KIAA1671: variants seen among roughly 807,000 people sequenced by gnomAD.
KIAA1671 encodes uncharacterized protein KIAA1671.
A neutral mutation model predicts 131.2 loss-of-function variants in KIAA1671; 52 were observed. That is an observed-to-expected ratio of 0.40 (90% CI 0.32 to 0.50). The LOEUF is 0.50. KIAA1671 is among the 20% of genes least tolerant of loss of function. KIAA1671 has a pLI of 0.73. For missense variants in KIAA1671, 2,360 were observed against 2,364.2 expected (o/e 1.00, Z 0.04); for synonymous variants, 1,003 against 961.6 (o/e 1.04, Z -0.80).
chr22:25,187,942 G>A (rs1934531938), intron 11 of KIAA1671, among the ~76,000 whole-genome samples: 1 of 152,218 alleles, frequency 6.6e-6, no homozygotes, highest in Non-Finnish European at 1.5e-5. Context: ...TTCACTTTGA[G>A]AAAATTCATT....
At chr22:24,973,549 A>G (rs1195584206) in intron 1 of KIAA1671, among the ~76,000 whole-genome samples, 1 of 151,504 alleles carries the variant, frequency 6.6e-6, no homozygotes, top group East Asian at 1.9e-4. Flanking sequence ...ATGTGCCACC[A>G]TGCCCGGCTA....
In KIAA1671 at chr22:25,197,265, A is replaced by G. The variant is rs1474616291; in HGVS notation, c.*4864A>G. 6.6e-6 allele frequency: 1 copy of G among 152,232 alleles called. No individual in the cohort carries two copies. The highest frequency in any genetic ancestry group is 1.5e-5 in the Non-Finnish European group (1 of 68,046). The allele number at this position is 152,232 out of a possible 1,614,324, so 9.4% of individuals were successfully genotyped here. ...ACAAATGGGGCTTACCAGACCTCAC[A>G]GAGTATTGGACGTCTACAAGTGCTT... On this transcript the variant is annotated 3_prime_UTR_variant, in exon 13 of 13. Transcript: ENST00000358431.
chr22:25,114,471 G>GT (rs1931552803), intron 6 of KIAA1671, among the ~76,000 whole-genome samples: 1 of 152,258 alleles, frequency 6.6e-6, no homozygotes, highest in South Asian at 2.1e-4. Context: ...CATGTGCAGT[G>GT]TTGCAGATAA....
At chr22:25,184,473 G>GGT (rs1314808991) in intron 10 of KIAA1671, among the ~76,000 whole-genome samples, 2 of 152,186 alleles carry the variant, frequency 1.3e-5, no homozygotes, top group Admixed American at 1.3e-4. Flanking sequence ...TCACACCTCA[G>GGT]GTCCCGCAAG....
chr22:25,111,579 G>A (rs1455183946), intron 6 of KIAA1671, among the ~76,000 whole-genome samples: 1 of 152,236 alleles, frequency 6.6e-6, no homozygotes, highest in Admixed American at 6.5e-5. Flanking sequence ...CGACAGGTTT[G>A]GAATCTCCAG....
At chr22:25,100,727 A>G (rs1244549342) in intron 6 of KIAA1671, among the ~76,000 whole-genome samples, 4 of 152,200 alleles carry the variant, frequency 2.6e-5, no homozygotes, top group Admixed American at 2.0e-4. Flanking sequence ...AGTTGAGACT[A>G]TGCTTACTAC....
At chr22:25,100,373 T>C (rs1333608468) in intron 6 of KIAA1671, among the ~76,000 whole-genome samples, 1 of 152,132 alleles carries the variant, frequency 6.6e-6, no homozygotes, top group East Asian at 1.9e-4. Context: ...AATCTAAGTG[T>C]GAGTGGGAGA....
intron 2 of KIAA1671, among the ~76,000 whole-genome samples, chr22:25,026,638 G>A (rs1925957564): frequency 6.6e-6 from 1 of 152,084 alleles, no homozygotes; most frequent in Admixed American, 6.6e-5. Flanking sequence ...GCTGAGGCAG[G>A]AGAATGGCTT....
intron 6 of KIAA1671, chr22:25,053,039 C>G (rs909761909): frequency 1.3e-5 from 2 of 152,106 alleles, no homozygotes; most frequent in African/African-American, 4.8e-5. Context: ...TTATTATTTG[C>G]GGCCAGGTTT....
At chr22:25,170,494 A>G (rs1437697542) in intron 6 of KIAA1671, among the ~76,000 whole-genome samples, 3 of 152,224 alleles carry the variant, frequency 2.0e-5, no homozygotes, top group Non-Finnish European at 4.4e-5. Context: ...AAGTGTGCCC[A>G]GGCTGTACTG....
intron 6 of KIAA1671, among the ~76,000 whole-genome samples, chr22:25,159,417 C>A (rs1311020359): frequency 2.0e-5 from 3 of 152,136 alleles, no homozygotes; most frequent in South Asian, 2.1e-4. Flanking sequence ...TCTCCCTGGA[C>A]GTCAGGTCCA....
intron 5 of KIAA1671, among the ~76,000 whole-genome samples, chr22:25,048,075 G>T (rs1335154994): frequency 1.3e-5 from 2 of 152,228 alleles, no homozygotes; most frequent in Non-Finnish European, 2.9e-5. Context: ...GGAGAGAATG[G>T]GGAGGAGAAT....
intron 1 of KIAA1671, among the ~76,000 whole-genome samples, chr22:24,974,236 CT>C (rs894276374): frequency 6.6e-6 from 1 of 152,178 alleles, no homozygotes; most frequent in African/African-American, 2.4e-5. Flanking sequence ...TCCAGCCTGA[CT>C]TTTCCCAGCC....
chr22:25,088,877 T>TAC (rs146396284), intron 6 of KIAA1671, among the ~76,000 whole-genome samples: 42,470 of 151,166 alleles, frequency 0.28, 5,941 homozygotes, highest in Middle Eastern at 0.34. Context: ...TGTACATATG[T>TAC]ACACACACAC....
intron 12 of KIAA1671, among the ~76,000 whole-genome samples, 165 bp from the exon 13 acceptor site, chr22:25,192,241 C>T (rs1196077744): frequency 6.6e-6 from 1 of 152,068 alleles, no homozygotes; most frequent in Non-Finnish European, 1.5e-5. Flanking sequence ...TGCCACCCTC[C>T]TCACCTCCCC....
At chr22:25,190,047 G>T (rs118105135) in intron 11 of KIAA1671, among the ~76,000 whole-genome samples, 8 of 152,014 alleles carry the variant, frequency 5.3e-5, no homozygotes, top group African/African-American at 1.9e-4. Context: ...GGTATAGGGG[G>T]GTGGTTTTGT....
chr22:25,029,368 G>C lies in KIAA1671; in HGVS notation c.1369G>C (p.Glu457Gln), dbSNP rs1381234300. 29 of 1,551,196 alleles carry C rather than the reference G, an allele frequency of 1.9e-5. No homozygotes were observed. Among genetic ancestry groups the C allele is most frequent in the Admixed American group, 1.6e-4 (8 of 50,974 alleles). ...CACCTTGGCCTTGGCAGTGGGGTCT[G>C]AATCTCCCCTGGCCACCCCTGCGTC... ...DSTLALAVGS[E>Q]SPLATPASPS... The change falls in exon 3 of 13, where the codon GAA becomes CAA. Residue 457 changes from glutamate to glutamine, a missense_variant. This residue lies in a region of KIAA1671 where 1,185 missense variants were observed against 1,126.2 expected (regional missense o/e 1.05). Coordinates refer to ENST00000358431, the MANE Select transcript of KIAA1671 (RefSeq NM_001145206.2).
chr22:25,058,979 C>G (rs1172859272), intron 6 of KIAA1671: 1 of 152,354 alleles, frequency 6.6e-6, no homozygotes, highest in South Asian at 2.1e-4. Flanking sequence ...AGGCCCGGGC[C>G]CCCATTATTC....
intron 1 of KIAA1671, among the ~76,000 whole-genome samples, chr22:24,976,363 C>T (rs1441392205): frequency 6.6e-6 from 1 of 152,232 alleles, no homozygotes; most frequent in East Asian, 1.9e-4. Context: ...GGTCATTCAG[C>T]CAGCCAGGAG....
Sources: gnomAD v4.1 joint callset for allele counts (sites outside exome capture counted in the v4.1 genomes callset) on GRCh38, gnomAD v4.1.1 for gene constraint, gnomAD v4.1.1 regional missense constraint, MANE v1.5 for transcripts, NCBI Gene and HGNC (gene_info 2026-07-23, HGNC 2026-07-21) for gene names.